The following RFXAP variants were observed in gnomAD, a reference collection of about 807,000 sequenced individuals.
RFXAP encodes regulatory factor X-associated protein.
Under a neutral mutation model 25.7 loss-of-function variants are expected in RFXAP, and 21 were observed. The ratio of observed to expected loss-of-function variants is 0.82; its 90% confidence interval spans 0.58 to 1.18. The LOEUF is 1.18. Among genes scored for constraint, RFXAP ranks in the 50% most tolerant of loss-of-function variants. RFXAP has a pLI of 0.00. For missense variants in RFXAP, 333 were observed against 363.0 expected (o/e 0.92, Z 0.67); for synonymous variants, 161 against 152.2 (o/e 1.06, Z -0.43).
Position 36,828,082 on chromosome 13 carries a change from T to C in RFXAP, c.*329T>C, listed in dbSNP as rs2057984111. Reference sequence around the variant, plus strand: ...AAGTCATAAAGTTAATAGATATTAATCTTGACTCATCTAGCTCAGTGGTTC... The same window carrying C: ...AAGTCATAAAGTTAATAGATATTAACCTTGACTCATCTAGCTCAGTGGTTC... On this transcript the variant is annotated 3_prime_UTR_variant, in exon 3 of 3. Coordinates refer to ENST00000255476, the MANE Select transcript of RFXAP (RefSeq NM_000538.4). 1 of 281,778 alleles carries C rather than the reference T, an allele frequency of 3.5e-6. No individual in the cohort carries two copies. The highest frequency in any genetic ancestry group is 6.8e-6 in the Non-Finnish European group (1 of 147,240). 17.5% of individuals were successfully genotyped at this position (281,778 alleles called of 1,614,324 possible).
chr13:36,827,887 A>G lies in RFXAP; in HGVS notation c.*134A>G, dbSNP rs559402022. ...CATTTTCCTGTAAATGTATGTGTGC[A>G]TTTGGGGATAAGTAAGTATTGCACT... On this transcript the variant is annotated 3_prime_UTR_variant, in exon 3 of 3. Transcript: ENST00000255476. The G allele has an allele frequency of 2.8e-6, 2 of 715,370 alleles. No individual in the cohort carries two copies. The highest frequency in any genetic ancestry group is 1.8e-5 in the African/African-American group (1 of 56,114). 44.3% of individuals were successfully genotyped at this position (715,370 alleles called of 1,614,324 possible). A position where few individuals can be genotyped will look rare whatever the true frequency, so the allele number is the denominator to read the frequency against.
intron 2 of RFXAP, 108 bp from the exon 3 acceptor site, chr13:36,827,535 T>C (rs897026926): frequency 7.5e-6 from 6 of 797,150 alleles, no homozygotes; most frequent in East Asian, 2.7e-5. Flanking sequence ...AGGCATATTC[T>C]TGTGAACATA....
At chr13:36,826,952 C>T (rs2057979992) in intron 2 of RFXAP, among the ~76,000 whole-genome samples, 1 of 152,136 alleles carries the variant, frequency 6.6e-6, no homozygotes, top group African/African-American at 2.4e-5. Flanking sequence ...GCTCACGCCA[C>T]TGCACTCCAG....
chr13:36,820,039 C>G, intron 1 of RFXAP, 82 bp downstream of exon 1: 7 of 1,557,764 alleles, frequency 4.5e-6, no homozygotes, highest in Non-Finnish European at 6.1e-6. Flanking sequence ...GCAGGGCCTG[C>G]CTCCCCACTT....
chr13:36,819,992 T>A (rs1287602822), intron 1 of RFXAP, 35 bp downstream of exon 1: 1 of 1,607,946 alleles, frequency 6.2e-7, no homozygotes, highest in East Asian at 2.2e-5. Context: ...GGATGGGAGG[T>A]GGAAGAAGAA....
rs756523366 is a variant in RFXAP, at chr13:36,819,801, G to C, written c.444G>C (p.Glu148Asp). The change falls in exon 1 of 3, where the codon GAG becomes GAC. Residue 148 changes from glutamate to aspartate, a missense_variant. Physicochemically the swap from Glu to Asp is conservative, Grantham distance 45. Coordinates refer to ENST00000255476, the MANE Select transcript of RFXAP (RefSeq NM_000538.4). ...SKTCTYEGCS[E>D]TTSQVAKQRK... ...CCTGCACCTACGAAGGCTGCAGCGA[G>C]ACCACGAGCCAGGTGGCCAAGCAGC... 3.1e-6 allele frequency: 5 copies of C among 1,590,650 alleles called. No individual in the cohort carries two copies. The highest frequency in any genetic ancestry group is 4.3e-6 in the Non-Finnish European group (5 of 1,167,720).
At chr13:36,821,451 G>A (rs891308741) in intron 1 of RFXAP, among the ~76,000 whole-genome samples, 5 of 151,792 alleles carry the variant, frequency 3.3e-5, no homozygotes, top group African/African-American at 1.2e-4. Context: ...GCTTGAGCCC[G>A]GAAGTTTGAG....
chr13:36,824,695 G>A (rs920483741), intron 1 of RFXAP, among the ~76,000 whole-genome samples: 4 of 152,148 alleles, frequency 2.6e-5, no homozygotes, highest in African/African-American at 9.7e-5. Context: ...TATTTAAGAT[G>A]CTGTCAGGTA....
intron 1 of RFXAP, among the ~76,000 whole-genome samples, chr13:36,820,612 T>TGTTA (rs1446789003): frequency 6.6e-6 from 1 of 152,236 alleles, no homozygotes; most frequent in African/African-American, 2.4e-5. Flanking sequence ...GTATCCTTGT[T>TGTTA]GTTAGTACCC....
Position 36,827,642 on chromosome 13 carries a change from G to C in RFXAP, c.709-1G>C. 1 of 1,610,914 alleles carries C rather than the reference G, an allele frequency of 6.2e-7. No homozygotes were observed. The highest frequency in any genetic ancestry group is 8.5e-7 in the Non-Finnish European group (1 of 1,177,468). ...AATAATTTTTTTCTTTTCTTTCTAA[G>C]TCGTTACTAAGAAGTCCAGAAGTAG... On this transcript the variant is annotated splice_acceptor_variant, in intron 2 of 2. Transcript: ENST00000255476. LOFTEE classifies it high-confidence loss of function.
chr13:36,819,879 TA>T lies in RFXAP; in HGVS notation c.527del (p.Lys176ArgfsTer8). The part of the protein sequence containing the change: ...HRNKMYKDKY[K>X]KKKSDQALNC... ...GCAACAAGATGTACAAGGACAAGTA[TA>T]AAAAGAAGAAGAGCGACCAGGCCCT... On this transcript the variant is annotated frameshift_variant, in exon 1 of 3. Transcript: ENST00000255476. LOFTEE classifies it high-confidence loss of function. 2 of 1,610,074 alleles carry T rather than the reference TA, an allele frequency of 1.2e-6. No homozygotes were observed. Among genetic ancestry groups the T allele is most frequent in the Non-Finnish European group, 1.7e-6 (2 of 1,178,330 alleles).
chr13:36,822,170 A>G (rs1248978382), intron 1 of RFXAP, among the ~76,000 whole-genome samples: 1 of 151,236 alleles, frequency 6.6e-6, no homozygotes, highest in Non-Finnish European at 1.5e-5. Flanking sequence ...GGCCCACTAC[A>G]ACCTCCACCT....
intron 2 of RFXAP, among the ~76,000 whole-genome samples, chr13:36,826,990 CTAA>C (rs2057980159): frequency 6.6e-6 from 1 of 152,012 alleles, no homozygotes; most frequent in South Asian, 2.1e-4. Context: ...GACCCTGTCT[CTAA>C]TAATAATATG....
chr13:36,825,276 A>G lies in RFXAP; in HGVS notation c.601-152A>G, dbSNP rs2057974485. ...TAAATTAACTGCCAATACTTTGCCT[A>G]TGATAATGAAGAACTTTCCCAGAGT... On this transcript the variant is annotated intron_variant, in intron 1 of 2. Coordinates refer to ENST00000255476, the MANE Select transcript of RFXAP (RefSeq NM_000538.4). 5 of 599,366 alleles carry G rather than the reference A, an allele frequency of 8.3e-6. No individual in the cohort carries two copies. The East Asian group carries it at 1.2e-4, about 15-fold the overall frequency. 37.1% of individuals were successfully genotyped at this position (599,366 alleles called of 1,614,324 possible).
At chr13:36,825,345 G>A (rs1027607183) in intron 1 of RFXAP, 83 bp from the exon 2 acceptor site, 24 of 1,046,492 alleles carry the variant, frequency 2.3e-5, no homozygotes, top group Non-Finnish European at 3.5e-5. Flanking sequence ...GCAAAGACCT[G>A]TTCATTACAT....
chr13:36,827,613 T>TA, intron 2 of RFXAP, 30 bp from the exon 3 acceptor site: 1 of 1,434,172 alleles, frequency 7.0e-7, no homozygotes. Flanking sequence ...AGATTAATGC[T>TA]ATTAATAATT....
chr13:36,820,404 T>C (rs2057958161), intron 1 of RFXAP, among the ~76,000 whole-genome samples: 1 of 152,204 alleles, frequency 6.6e-6, no homozygotes, highest in South Asian at 2.1e-4. Context: ...CTCCTGTATT[T>C]AGTACTTTGT....
At chr13:36,820,310 G>C (rs2057957804) in intron 1 of RFXAP, among the ~76,000 whole-genome samples, 1 of 152,156 alleles carries the variant, frequency 6.6e-6, no homozygotes, top group Non-Finnish European at 1.5e-5. Flanking sequence ...GTACTTCTGA[G>C]AAAGTCATCT....
chr13:36,827,495 G>T, intron 2 of RFXAP, 148 bp from the exon 3 acceptor site: 1 of 603,946 alleles, frequency 1.7e-6, no homozygotes. Flanking sequence ...CTTAGTTGCA[G>T]TGCATCCGAT....
Sources: allele counts gnomAD v4.1 joint callset (sites outside exome capture counted in the v4.1 genomes callset), GRCh38; gene constraint gnomAD v4.1.1; transcripts MANE v1.5; gene names NCBI Gene and HGNC (gene_info 2026-07-23, HGNC 2026-07-21).